The following MESP1 variants were observed in gnomAD, a reference collection of about 807,000 sequenced individuals.
MESP1 encodes the protein mesoderm posterior protein 1.
Under a neutral mutation model 15.2 loss-of-function variants are expected in MESP1, and 22 were observed. That is an observed-to-expected ratio of 1.45 (90% CI 1.04 to 2.07). The LOEUF (loss-of-function observed/expected upper bound fraction) is 2.07. Among genes scored for constraint, MESP1 ranks in the 30% most tolerant of loss-of-function variants. The probability of loss-of-function intolerance (pLI) is 0.00; values close to 1 mark genes in which losing one functional copy is unlikely to be tolerated. For synonymous variants in MESP1, 216 were observed against 192.6 expected (o/e 1.12, Z -1.01); for missense variants, 484 against 411.9 (o/e 1.17, Z -1.51).
At chr15:89,746,070 C>T (rs910408013), downstream of MESP1, among the ~76,000 whole-genome samples, 1 of 148,758 alleles carries the variant, frequency 6.7e-6, no homozygotes, top group East Asian at 2.0e-4. Context: ...ACCTCCACAC[C>T]TCCACACATA....
At chr15:89,741,733 T>G in the MESP1 span, among the ~76,000 whole-genome samples, 2 of 152,090 alleles carry the variant, frequency 1.3e-5, no homozygotes, top group Non-Finnish European at 2.9e-5. Context: ...GTTATATAAA[T>G]CTAAATATAA....
In MESP1 at chr15:89,751,017, C is replaced by T. The variant is rs972191152; in HGVS notation, c.215G>A (p.Arg72His). The T allele has an allele frequency of 2.2e-6, 3 of 1,356,846 alleles. No individual in the cohort carries two copies. In the Admixed American group the frequency reaches 1.2e-4, roughly 54 times the overall value. The allele number at this position is 1,356,846 out of a possible 1,614,324, so 84.1% of individuals were successfully genotyped here. Residue 72 changes from arginine to histidine, a missense_variant, in exon 1 of 2, where the codon CGC becomes CAC. Arg to His is a conservative substitution (Grantham distance 29, BLOSUM62 0). Transcript: ENST00000300057. ...GCCCAGGCGGCTGCTGCGCGCGCCG[C>T]GCCTACCTACGGAGGGGGCGCGGGG... is the stretch of plus-strand genomic sequence containing the variant. ...RDPRAPSVGR[R>H]GARSSRLGSG...
chr15:89,737,774 A>G, the MESP1 span: 9 of 1,610,506 alleles, frequency 5.6e-6, no homozygotes, highest in African/African-American at 1.1e-4. Flanking sequence ...CATTTCCCTG[A>G]CTTAGTTCTC....
downstream of MESP1, chr15:89,748,990 T>C (rs1159577857): frequency 6.6e-6 from 1 of 152,220 alleles, no homozygotes; most frequent in African/African-American, 2.4e-5. Context: ...TATCTATCCA[T>C]AGAGGGTAAA....
chr15:89,745,521 T>C (rs1967918639), downstream of MESP1, among the ~76,000 whole-genome samples: 2 of 152,098 alleles, frequency 1.3e-5, no homozygotes, highest in Admixed American at 1.3e-4. This position sits in a 1 kb window ranked among gnomAD's most constrained non-coding sequence, Gnocchi z 4.8. Context: ...CCCAGCACTT[T>C]GGAAGGCTGA....
Position 89,750,752 on chromosome 15 carries a change from A to AG in MESP1, c.479dup (p.Arg161SerfsTer21), listed in dbSNP as rs1968074610. On this transcript the variant is annotated frameshift_variant, in exon 1 of 2. Coordinates refer to ENST00000300057, the MANE Select transcript of MESP1 (RefSeq NM_018670.4). LOFTEE classifies it high-confidence loss of function. ...CGTCGGGGCACAGCGGGCAGCCCCG[A>AG]GGGGACCCCGCGTCACCGCGCTGCC... 2 of 1,478,410 alleles carry AG rather than the reference A, an allele frequency of 1.4e-6. No individual in the cohort carries two copies. The highest frequency in any genetic ancestry group is 2.6e-5 in the South Asian group (2 of 76,440). 91.6% of individuals were successfully genotyped at this position (1,478,410 alleles called of 1,614,324 possible).
the MESP1 span, chr15:89,737,820 A>T: frequency 6.5e-7 from 1 of 1,546,876 alleles, no homozygotes; most frequent in South Asian, 1.2e-5. Context: ...TCTCCTCCCC[A>T]CTCTGTGTCC....
rs1316234505 is a variant in MESP1, at chr15:89,750,990, C to T, written c.242G>A (p.Ser81Asn). ...CTCACTGGCGCTCTGCCTCTGCCCG[C>T]TGCCCAGGCGGCTGCTGCGCGCGCC... The part of the protein sequence containing the change: ...RRGARSSRLG[S>N]GQRQSASERE... The change falls in exon 1 of 2, where the codon AGC becomes AAC. Residue 81 changes from serine (S) to asparagine (N), a missense_variant. By Grantham distance (46) the Ser-to-Asn change is conservative. Coordinates refer to ENST00000300057, the MANE Select transcript of MESP1 (RefSeq NM_018670.4). The T allele has an allele frequency of 8.6e-6, 12 of 1,401,192 alleles. No homozygotes were observed. In the East Asian group the frequency reaches 1.2e-4, roughly 14 times the overall value. The allele number at this position is 1,401,192 out of a possible 1,614,324, so 86.8% of individuals were successfully genotyped here.
the MESP1 span, chr15:89,738,253 C>T: frequency 6.4e-7 from 1 of 1,571,008 alleles, no homozygotes; most frequent in African/African-American, 1.4e-5. Flanking sequence ...AGCTCTGTGT[C>T]TTCACCCCCT....
At chr15:89,738,186 C>T in the MESP1 span, 3 of 1,613,964 alleles carry the variant, frequency 1.9e-6, no homozygotes, top group Non-Finnish European at 1.7e-6. Context: ...ACATGGCCTT[C>T]CCCCAAGCAC....
the MESP1 span, chr15:89,737,964 C>G: frequency 8.3e-6 from 12 of 1,449,324 alleles, no homozygotes; most frequent in Non-Finnish European, 1.1e-5. Flanking sequence ...GAGCAGCCCC[C>G]ACCTGCTCAC....
Position 89,750,954 on chromosome 15 carries a change from A to G in MESP1, c.278T>C (p.Leu93Pro), listed in dbSNP as rs753634539. ...GGCGCGGGCCAGCGTGCGCATGCGC[A>G]GTTTCTCCCGCTCACTGGCGCTCTG... ...QRQSASEREK[L>P]RMRTLARALH... Residue 93 changes from leucine to proline, a missense_variant, in exon 1 of 2, where the codon CTG becomes CCG. Leu to Pro is a moderately conservative substitution (Grantham distance 98, BLOSUM62 -3). Transcript: ENST00000300057. 4.1e-6 allele frequency: 6 copies of G among 1,446,282 alleles called. No homozygotes were observed. In the South Asian group the frequency reaches 5.5e-5, roughly 13 times the overall value. The allele number at this position is 1,446,282 out of a possible 1,614,324, so 89.6% of individuals were successfully genotyped here.
chr15:89,750,974 G>GCTCTGC lies in MESP1; in HGVS notation c.252_257dup (p.Arg84_Gln85dup). Reference sequence around the variant, plus strand: ...TGCGCAGTTTCTCCCGCTCACTGGCGCTCTGCCTCTGCCCGCTGCCCAGGC... The same window carrying GCTCTGC: ...TGCGCAGTTTCTCCCGCTCACTGGCGCTCTGCCTCTGCCTCTGCCCGCTGCCCAGGC... On this transcript the variant is annotated inframe_insertion, in exon 1 of 2. Coordinates refer to ENST00000300057, the MANE Select transcript of MESP1 (RefSeq NM_018670.4). 3 of 1,433,638 alleles carry GCTCTGC rather than the reference G, an allele frequency of 2.1e-6. No individual in the cohort carries two copies. The highest frequency in any genetic ancestry group is 2.7e-6 in the Non-Finnish European group (3 of 1,098,274). 88.8% of individuals were successfully genotyped at this position (1,433,638 alleles called of 1,614,324 possible).
chr15:89,750,393 G>T, intron 1 of MESP1, 116 bp downstream of exon 1: 1 of 1,452,678 alleles, frequency 6.9e-7, no homozygotes, highest in Non-Finnish European at 9.1e-7. Context: ...TACTATGGTG[G>T]CCAGGTGGCC....
chr15:89,737,879 C>A, the MESP1 span: 1 of 1,348,720 alleles, frequency 7.4e-7, no homozygotes, highest in Non-Finnish European at 1.0e-6. Context: ...TCACAGGGCA[C>A]TTAGATAAAA....
the MESP1 span, among the ~76,000 whole-genome samples, chr15:89,732,829 G>A: frequency 0.3 from 45,280 of 151,936 alleles, 7,345 homozygotes; most frequent in South Asian, 0.38. Flanking sequence ...CCCTGCAGGG[G>A]GCTTTTCTCT....
chr15:89,735,574 T>C, the MESP1 span: 2 of 1,609,412 alleles, frequency 1.2e-6, no homozygotes, highest in Admixed American at 1.7e-5. Context: ...CATGCCTCTC[T>C]GTAAATGCCC....
downstream of MESP1, among the ~76,000 whole-genome samples, chr15:89,748,281 G>A (rs2141751908): frequency 6.6e-6 from 1 of 152,342 alleles, no homozygotes; most frequent in Admixed American, 6.5e-5. Context: ...ATGGGACAGA[G>A]GAGCAGGAAA....
At chr15:89,747,041 CAT>C (rs1448597507), downstream of MESP1, among the ~76,000 whole-genome samples, 1 of 137,382 alleles carries the variant, frequency 7.3e-6, no homozygotes, top group Non-Finnish European at 1.6e-5. Flanking sequence ...ACCACACACA[CAT>C]GCGCATGCAC....
Sources: allele counts gnomAD v4.1 joint callset (sites outside exome capture counted in the v4.1 genomes callset), GRCh38; gene constraint gnomAD v4.1.1; non-coding constraint Gnocchi (gnomAD v3.1); transcripts MANE v1.5; gene names NCBI Gene and HGNC (gene_info 2026-07-23, HGNC 2026-07-21).